HELZ: variants seen among roughly 807,000 people sequenced by gnomAD.
HELZ encodes the protein ATP-dependent RNA helicase with zinc finger domain.
Under a neutral mutation model 218.2 loss-of-function variants are expected in HELZ, and 23 were observed. That is an observed-to-expected ratio of 0.11 (90% CI 0.08 to 0.15). The LOEUF (loss-of-function observed/expected upper bound fraction) is 0.15, where lower values mean the gene tolerates loss of function less well. Ranked by LOEUF, HELZ falls within the 10% of genes least tolerant of loss-of-function variation. HELZ has a pLI of 1.00. For missense variants in HELZ, 1,813 were observed against 2,353.7 expected (o/e 0.77, Z 4.75); for synonymous variants, 814 against 829.4 (o/e 0.98, Z 0.32).
At position 67,070,606 on chromosome 17, in the gene HELZ, C is replaced by T. The variant is rs1428770275; in HGVS notation, c.*7646G>A. 5.3e-5 allele frequency: 8 copies of T among 152,040 alleles called. No individual in the cohort carries two copies. Among genetic ancestry groups the T allele is most frequent in the Non-Finnish European group, 8.8e-5 (6 of 68,008 alleles). The allele number at this position is 152,040 out of a possible 1,614,324, so 9.4% of individuals were successfully genotyped here. A position where few individuals can be genotyped will look rare whatever the true frequency, so the allele number is the denominator to read the frequency against. On this transcript the variant is annotated 3_prime_UTR_variant, in exon 33 of 33. Coordinates refer to ENST00000358691, the MANE Select transcript of HELZ (RefSeq NM_014877.4). The stretch of plus-strand genomic sequence containing the variant: ...AACTTGTTCTATGGAACCAAAGTAG[C>T]TAACGTAATTCCAAAACTAAGTTAG...
At chr17:67,169,998 T>C (rs957748190) in intron 13 of HELZ, among the ~76,000 whole-genome samples, 3 of 152,182 alleles carry the variant, frequency 2.0e-5, no homozygotes, top group Non-Finnish European at 4.4e-5. Context: ...AATAATCTCC[T>C]TTGCTTCCAC....
Position 67,178,871 on chromosome 17 carries a change from C to T in HELZ, c.1218G>A (p.Trp406Ter), listed in dbSNP as rs2039530345. 1 of 1,612,672 alleles carries T rather than the reference C, an allele frequency of 6.2e-7. No homozygotes were observed. Among genetic ancestry groups the T allele is most frequent in the Non-Finnish European group, 8.5e-7 (1 of 1,179,132 alleles). ...CTATAATAGTCTTAGAGGAAGAATC[C>T]CAACGTTTAGCTGTGGTTACTAGCT... ...KQQLVTTAKRWDSSSKTIIDF... is the reference protein window; with the variant it reads ...KQQLVTTAKR The change falls in exon 13 of 33, where the codon TGG becomes TGA. Residue 406 changes from tryptophan (W) to a stop codon, truncating the protein, a stop_gained. Transcript: ENST00000358691. LOFTEE classifies it high-confidence loss of function.
Position 67,120,431 on chromosome 17 carries a change from T to G in HELZ, c.3812A>C (p.Lys1271Thr). ...IGQPQNQHQE[K>T]DQHEQNRNGK... is the part of the protein sequence containing the mutation. ...ATTTCGATTTTGCTCATGTTGATCC[T>G]TCTCCTGATGCTGATTTTGTGGCTG... Residue 1271 changes from lysine (K) to threonine (T), a missense_variant, in exon 27 of 33, where the codon AAG becomes ACG. Physicochemically the swap from Lys to Thr is moderately conservative, Grantham distance 78. This residue lies in a region of HELZ where 938 missense variants were observed against 1,027.5 expected (regional missense o/e 0.91). Coordinates refer to ENST00000358691, the MANE Select transcript of HELZ (RefSeq NM_014877.4). The G allele has an allele frequency of 6.2e-7, 1 of 1,614,144 alleles. No individual in the cohort carries two copies. Among genetic ancestry groups the G allele is most frequent in the Non-Finnish European group, 8.5e-7 (1 of 1,180,026 alleles).
At chr17:67,084,576 T>C (rs912608177) in intron 32 of HELZ, among the ~76,000 whole-genome samples, 5 of 147,582 alleles carry the variant, frequency 3.4e-5, no homozygotes, top group Admixed American at 6.8e-5. Context: ...GGCAGAAGAA[T>C]GACGTGAACC....
intron 15 of HELZ, among the ~76,000 whole-genome samples, chr17:67,163,499 C>T (rs917213023): frequency 7.2e-5 from 11 of 151,904 alleles, no homozygotes; most frequent in Non-Finnish European, 1.0e-4. Context: ...CCAGGGTTCA[C>T]GCCATTCTCC....
chr17:67,086,854 C>T lies in HELZ; in HGVS notation c.5469G>A (p.Arg1823=). The part of the protein sequence containing the change: ...YQNIPCNGSS[R]TAQPRELIAP... ...CTATCAACTCTCTGGGCTGAGCTGT[C>T]CTGCTGGATCCATTGCACGGAATGT... Residue 1823 remains arginine, a synonymous_variant, in exon 32 of 33, where the codon AGG becomes AGA. Coordinates refer to ENST00000358691, the MANE Select transcript of HELZ (RefSeq NM_014877.4). 6.2e-7 allele frequency: 1 copy of T among 1,613,526 alleles called. No homozygotes were observed. The highest frequency in any genetic ancestry group is 1.3e-5 in the African/African-American group (1 of 74,810).
intron 23 of HELZ, 107 bp downstream of exon 23, chr17:67,135,863 T>C (rs1288070842): frequency 3.5e-6 from 3 of 862,148 alleles, no homozygotes; most frequent in Non-Finnish European, 5.4e-6. Context: ...CAGGCTACAA[T>C]AAACCTGTTT....
rs763606026 is a variant in HELZ at position 67,218,712 on chromosome 17, C to T, written c.93G>A (p.Glu31=). ...DYEMALKHCT[E]ALLSLGQYSM... ...AGTACTGGCCAAGAGAAAGAAGGGC[C>T]TCTGTGCAGTGCTTGAGGGCCATTT... Residue 31 remains glutamate, a synonymous_variant, in exon 4 of 33, where the codon GAG becomes GAA. Transcript: ENST00000358691. 5.1e-5 allele frequency: 82 copies of T among 1,614,062 alleles called. No individual in the cohort carries two copies. Among genetic ancestry groups the T allele is most frequent in the Non-Finnish European group, 6.5e-5 (77 of 1,180,010 alleles).
intron 12 of HELZ, among the ~76,000 whole-genome samples, chr17:67,184,435 A>C (rs1472015698): frequency 6.6e-6 from 1 of 152,188 alleles, no homozygotes; most frequent in East Asian, 1.9e-4. Flanking sequence ...CTTGCTTAAA[A>C]ACAATGAACA....
intron 31 of HELZ, among the ~76,000 whole-genome samples, chr17:67,103,505 A>G (rs1052072642): frequency 6.6e-6 from 1 of 152,206 alleles, no homozygotes; most frequent in Non-Finnish European, 1.5e-5. Flanking sequence ...AGCATGAGAA[A>G]GAATAAAATG....
chr17:67,122,411 T>C (rs1280014339), intron 26 of HELZ, among the ~76,000 whole-genome samples: 2 of 152,254 alleles, frequency 1.3e-5, no homozygotes, highest in East Asian at 3.9e-4. Context: ...CCAGGCGTGG[T>C]GGCAGGCACC....
intron 31 of HELZ, among the ~76,000 whole-genome samples, chr17:67,096,362 C>G (rs2036748454): frequency 6.6e-6 from 1 of 152,208 alleles, no homozygotes; most frequent in South Asian, 2.1e-4. Flanking sequence ...TAGTTCCTAA[C>G]AAGACAGTCA....
chr17:67,172,272 G>T (rs951270302), intron 13 of HELZ, among the ~76,000 whole-genome samples: 1 of 152,104 alleles, frequency 6.6e-6, no homozygotes, highest in Non-Finnish European at 1.5e-5. Context: ...CCTCTTCCAT[G>T]GGGCCCTTGT....
intron 12 of HELZ, among the ~76,000 whole-genome samples, chr17:67,187,472 A>G (rs1450179786): frequency 6.6e-6 from 1 of 152,226 alleles, no homozygotes; most frequent in Non-Finnish European, 1.5e-5. Flanking sequence ...CGCTAATGAG[A>G]AAAACTACTT....
chr17:67,203,279 T>C (rs753763794), intron 6 of HELZ, 40 bp downstream of exon 6: 6 of 1,598,720 alleles, frequency 3.8e-6, no homozygotes, highest in Non-Finnish European at 5.1e-6. Context: ...CAAATAAAAA[T>C]TTGTTTTCAG....
intron 4 of HELZ, among the ~76,000 whole-genome samples, chr17:67,218,091 C>T (rs1349245674): frequency 6.6e-6 from 1 of 151,938 alleles, no homozygotes; most frequent in African/African-American, 2.4e-5. Context: ...CGCGCTACCA[C>T]GCCTGGCTAA....
At chr17:67,120,682 A>C (rs1030125196) in intron 26 of HELZ, 70 bp from the exon 27 acceptor site, 37 of 1,035,828 alleles carry the variant, frequency 3.6e-5, no homozygotes, top group Non-Finnish European at 5.4e-5. Context: ...AGTGCTGCTG[A>C]TTAGGGAAAA....
In HELZ at chr17:67,154,182, C is replaced by CT. The variant is rs559437109; in HGVS notation, c.2178-2959dup. On this transcript the variant is annotated intron_variant, in intron 17 of 32. Transcript: ENST00000358691. ...ATGGCTCACGCCTATAATCCAAGCA[C>CT]TTTGGAAGCCTGAAGTGGGTGGAAC... Among the ~76,000 whole-genome samples, 24 of 152,358 alleles carry CT rather than the reference C, an allele frequency of 1.6e-4. 1 individual carries two copies. The South Asian group carries it at 4.8e-3, about 30-fold the overall frequency.
At position 67,196,612 on chromosome 17, in the gene HELZ, G is replaced by A. The variant is rs1054168644; in HGVS notation, c.430-1142C>T. On this transcript the variant is annotated intron_variant, in intron 7 of 32. Transcript: ENST00000358691. The stretch of plus-strand genomic sequence containing the variant: ...TGGATGGATGGATGGATGGGTGCAT[G>A]GGTGGGTGGATGGGAACATGGGTGG... Among the ~76,000 whole-genome samples, 10 of 150,248 alleles carry A rather than the reference G, an allele frequency of 6.7e-5. No homozygotes were observed. The South Asian group carries it at 1.0e-3, about 16-fold the overall frequency.
Sources: gnomAD v4.1 joint callset for allele counts (sites outside exome capture counted in the v4.1 genomes callset) on GRCh38, gnomAD v4.1.1 for gene constraint, gnomAD v4.1.1 regional missense constraint, MANE v1.5 for transcripts, NCBI Gene and HGNC (gene_info 2026-07-23, HGNC 2026-07-21) for gene names.